Variants in IPO7 observed in about 807,000 individuals in gnomAD.
IPO7 encodes the protein importin-7.
IPO7 carries 13 observed loss-of-function variants against 136.4 expected under a neutral mutation model. That is an observed-to-expected ratio of 0.10 (90% CI 0.06 to 0.15). IPO7 has a LOEUF of 0.15. Among genes scored for constraint, IPO7 ranks in the 10% least tolerant of loss-of-function variants. The pLI is 1.00. For synonymous variants in IPO7, 403 were observed against 404.4 expected (o/e 1.00, Z 0.04); for missense variants, 857 against 1,240.6 (o/e 0.69, Z 4.65).
Position 9,440,564 on chromosome 11 carries a change from T to C in IPO7, c.2805T>C (p.Asp935=). ...GAGATGATGAAGATTGGGAAGAAGA[T>C]GATGCTGAAGAGACTGCTCTGGAAG... ...EDGDDEDWEE[D]DAEETALEGY... is the part of the protein sequence containing the mutation. The change falls in exon 23 of 25, where the codon GAT becomes GAC. Residue 935 remains aspartate (D), a synonymous_variant. Transcript: ENST00000379719. The C allele has an allele frequency of 6.2e-7, 1 of 1,614,008 alleles. No individual in the cohort carries two copies. The highest frequency in any genetic ancestry group is 2.2e-5 in the East Asian group (1 of 44,868).
rs770447776 is a variant in IPO7, at chr11:9,436,289, G to A, written c.2191G>A (p.Gly731Arg). The stretch of plus-strand genomic sequence containing the variant: ...TGATCAGGTTCTTACAGGAGTTGCA[G>A]GAGAAGATGCAGAGTGTCATGCAGC... ...MCKKVLTGVA[G>R]EDAECHAAKL... Residue 731 changes from glycine to arginine, a missense_variant, in exon 20 of 25, where the codon GGA becomes AGA. Physicochemically the swap from Gly to Arg is moderately radical, Grantham distance 125 (BLOSUM62 -2). This residue lies in a region of IPO7 where 190 missense variants were observed against 249.0 expected (regional missense o/e 0.76). Transcript: ENST00000379719. 6.2e-7 allele frequency: 1 copy of A among 1,613,190 alleles called. No individual in the cohort carries two copies. Among genetic ancestry groups the A allele is most frequent in the African/African-American group, 1.3e-5 (1 of 74,926 alleles).
chr11:9,400,850 A>G (rs1303266253), intron 1 of IPO7, among the ~76,000 whole-genome samples: 1 of 152,172 alleles, frequency 6.6e-6, no homozygotes, highest in Non-Finnish European at 1.5e-5. Context: ...AATTCTCTAT[A>G]AGAATGTGTT....
At chr11:9,389,254 G>A (rs943430042) in intron 1 of IPO7, among the ~76,000 whole-genome samples, 2 of 151,998 alleles carry the variant, frequency 1.3e-5, no homozygotes, top group African/African-American at 4.8e-5. Context: ...TCGCCACATT[G>A]CCCAGGCTGG....
rs60115807 is a variant in IPO7, at chr11:9,445,388, T to TG, written c.*202dup. 28 of 146,200 alleles carry TG rather than the reference T, an allele frequency of 1.9e-4. 1 individual carries two copies. The South Asian group carries it at 2.2e-3, about 12-fold the overall frequency. The allele number at this position is 146,200 out of a possible 1,614,324, so 9.1% of individuals were successfully genotyped here. ...AAAGAAATCAGCGGGATTTTGGGGG[T>TG]GGGGGGGGATGGGAGGTACCTTAGA... is the stretch of plus-strand genomic sequence containing the variant. On this transcript the variant is annotated 3_prime_UTR_variant, in exon 25 of 25. Coordinates refer to ENST00000379719, the MANE Select transcript of IPO7 (RefSeq NM_006391.3).
intron 22 of IPO7, among the ~76,000 whole-genome samples, chr11:9,439,575 GT>G (rs535749595): frequency 6.7e-6 from 1 of 150,116 alleles, no homozygotes. Context: ...TTTTTTGTTT[GT>G]TTTTTTTTGT....
intron 1 of IPO7, among the ~76,000 whole-genome samples, chr11:9,387,370 C>T (rs970903567): frequency 7.9e-5 from 12 of 152,220 alleles, no homozygotes; most frequent in African/African-American, 2.7e-4. Context: ...CTCCTTGGAA[C>T]TCCTTTCACA....
chr11:9,436,535 T>C (rs1855371262), intron 20 of IPO7, among the ~76,000 whole-genome samples, 169 bp downstream of exon 20: 1 of 152,144 alleles, frequency 6.6e-6, no homozygotes, highest in Non-Finnish European at 1.5e-5. Flanking sequence ...ATAATGATCA[T>C]ATGTTTAATG....
At position 9,447,913 on chromosome 11, in the gene IPO7, C is replaced by T. The variant is rs1451061053; in HGVS notation, c.*2719C>T. On this transcript the variant is annotated 3_prime_UTR_variant, in exon 25 of 25. Coordinates refer to ENST00000379719, the MANE Select transcript of IPO7 (RefSeq NM_006391.3). ...GTATAGAGCATGAGTGGCAAAACCA[C>T]AGCCCTTGGGCCATATGCTGCTATT... The T allele has an allele frequency of 6.6e-6, 1 of 152,216 alleles. No homozygotes were observed. The highest frequency in any genetic ancestry group is 2.1e-4 in the South Asian group (1 of 4,836). 9.4% of individuals were successfully genotyped at this position (152,216 alleles called of 1,614,324 possible).
intron 4 of IPO7, 86 bp from the exon 5 acceptor site, chr11:9,414,169 A>G: frequency 3.1e-6 from 3 of 961,940 alleles, no homozygotes; most frequent in Non-Finnish European, 4.4e-6. Context: ...ATTTGATTAT[A>G]TTTGTGTAAA....
chr11:9,393,815 CTG>C (rs1190588235), intron 1 of IPO7, among the ~76,000 whole-genome samples: 8 of 152,288 alleles, frequency 5.3e-5, no homozygotes, highest in Non-Finnish European at 1.0e-4. Flanking sequence ...GTTAAACAAA[CTG>C]AAGACTTTCT....
At chr11:9,390,491 T>G (rs924974658) in intron 1 of IPO7, among the ~76,000 whole-genome samples, 4 of 152,214 alleles carry the variant, frequency 2.6e-5, no homozygotes, top group African/African-American at 9.7e-5. Flanking sequence ...TTGGAATGTT[T>G]AGAAATTAAG....
intron 16 of IPO7, among the ~76,000 whole-genome samples, chr11:9,432,569 C>G (rs1855311277): frequency 6.6e-6 from 1 of 152,052 alleles, no homozygotes; most frequent in Admixed American, 6.6e-5. Context: ...CCTATAGGTG[C>G]TTTATGTTTT....
At chr11:9,389,089 G>A (rs7128033) in intron 1 of IPO7, among the ~76,000 whole-genome samples, 1 of 150,886 alleles carries the variant, frequency 6.6e-6, no homozygotes, top group Non-Finnish European at 1.5e-5. Context: ...GTTCTCACTC[G>A]GTTGCCCAGG....
At chr11:9,428,813 G>A (rs1554955490) in intron 13 of IPO7, 184 bp downstream of exon 13, 3 of 781,760 alleles carry the variant, frequency 3.8e-6, no homozygotes, top group East Asian at 2.4e-5. Flanking sequence ...TCTGGTAGCA[G>A]TGTCTGTCTG....
At chr11:9,418,899 A>G (rs916677216) in intron 6 of IPO7, among the ~76,000 whole-genome samples, 19 of 152,094 alleles carry the variant, frequency 1.2e-4, no homozygotes, top group Non-Finnish European at 2.5e-4. Context: ...GGCTTCTTTC[A>G]CTTAATATAT....
intron 1 of IPO7, among the ~76,000 whole-genome samples, chr11:9,385,247 C>T (rs1016425518): frequency 6.6e-6 from 1 of 152,108 alleles, no homozygotes; most frequent in Non-Finnish European, 1.5e-5. Context: ...CCAGTCTCGC[C>T]GTCGCAGGGT....
chr11:9,440,371 C>G, intron 22 of IPO7, 84 bp from the exon 23 acceptor site: 1 of 1,062,734 alleles, frequency 9.4e-7, no homozygotes, highest in Non-Finnish European at 1.4e-6. Flanking sequence ...TTGTAATTTA[C>G]TGACAGTGAT....
At chr11:9,402,294 G>A (rs1227766188) in intron 1 of IPO7, among the ~76,000 whole-genome samples, 1 of 149,014 alleles carries the variant, frequency 6.7e-6, no homozygotes, top group African/African-American at 2.5e-5. Flanking sequence ...CAGCTACTCA[G>A]GAGGCTGAGG....
At chr11:9,431,282 T>C (rs1477244259) in intron 16 of IPO7, among the ~76,000 whole-genome samples, 1 of 152,166 alleles carries the variant, frequency 6.6e-6, no homozygotes. Context: ...TTTTTCTTAG[T>C]TTTCTTTTTC....
Sources: gnomAD v4.1 joint callset for allele counts (sites outside exome capture counted in the v4.1 genomes callset) on GRCh38, gnomAD v4.1.1 for gene constraint, gnomAD v4.1.1 regional missense constraint, MANE v1.5 for transcripts, NCBI Gene and HGNC (gene_info 2026-07-23, HGNC 2026-07-21) for gene names.